Variants in MYO16 observed in about 807,000 individuals in gnomAD.
The protein encoded by MYO16 is myosin XVI.
A neutral mutation model predicts 205.3 loss-of-function variants in MYO16; 94 were observed. The ratio of observed to expected loss-of-function variants is 0.46; its 90% CI spans 0.39 to 0.54. The LOEUF is 0.54. Ranked by LOEUF, MYO16 falls within the 20% of genes least tolerant of loss-of-function variation. The pLI, the probability that MYO16 is intolerant of heterozygous loss-of-function variation, is 0.00. For missense variants in MYO16, 2,315 were observed against 2,387.5 expected (o/e 0.97, Z 0.63); for synonymous variants, 988 against 954.0 (o/e 1.04, Z -0.66).
At chr13:109,007,598 G>C (rs1048266202) in intron 21 of MYO16, among the ~76,000 whole-genome samples, 2 of 148,876 alleles carry the variant, frequency 1.3e-5, no homozygotes, top group Non-Finnish European at 3.0e-5. Flanking sequence ...TGATAGGAAA[G>C]GAAGCACAGA....
At chr13:108,820,265 A>C in intron 7 of MYO16, 72 bp from the exon 8 acceptor site, 1 of 1,098,332 alleles carries the variant, frequency 9.1e-7, no homozygotes, top group Non-Finnish European at 1.4e-6. Flanking sequence ...TGGACAGCAC[A>C]GTGTATGACT....
At chr13:108,710,521 A>T (rs904945541) in intron 2 of MYO16, among the ~76,000 whole-genome samples, 3 of 152,200 alleles carry the variant, frequency 2.0e-5, no homozygotes, top group Non-Finnish European at 4.4e-5. Context: ...GCACGTAGTC[A>T]TTCCAGTCAT....
intron 1 of MYO16, among the ~76,000 whole-genome samples, chr13:108,602,489 T>C (rs1878801913): frequency 6.6e-6 from 1 of 152,220 alleles, no homozygotes; most frequent in Non-Finnish European, 1.5e-5. Flanking sequence ...ATTTAATTTC[T>C]TCTTCCAAGG....
chr13:109,026,485 T>G (rs1417760769), intron 23 of MYO16, among the ~76,000 whole-genome samples: 1 of 152,072 alleles, frequency 6.6e-6, no homozygotes, highest in African/African-American at 2.4e-5. Context: ...GATTCCAGAG[T>G]GCTGGCCTCC....
intron 3 of MYO16, among the ~76,000 whole-genome samples, chr13:108,726,566 A>G (rs1884345505): frequency 7.9e-6 from 1 of 126,340 alleles, no homozygotes; most frequent in Non-Finnish European, 1.9e-5. Flanking sequence ...TCAAAAAAAA[A>G]AAAAAAGAAA....
At chr13:109,056,792 CAG>C (rs1012525979) in intron 27 of MYO16, among the ~76,000 whole-genome samples, 20 of 151,990 alleles carry the variant, frequency 1.3e-4, no homozygotes, top group South Asian at 4.1e-4. Flanking sequence ...AACAATAAAA[CAG>C]GGGTGGGCAA....
At chr13:108,785,962 G>A (rs1442560347) in intron 5 of MYO16, among the ~76,000 whole-genome samples, 1 of 152,150 alleles carries the variant, frequency 6.6e-6, no homozygotes, top group Admixed American at 6.5e-5. Context: ...GAAATCTAGA[G>A]GCCAACAATG....
chr13:108,926,872 AACAT>A (rs1367399311), intron 16 of MYO16, among the ~76,000 whole-genome samples: 1 of 152,214 alleles, frequency 6.6e-6, no homozygotes, highest in South Asian at 2.1e-4. Context: ...TTTTAAAAAA[AACAT>A]ACCACAGAAA....
intron 13 of MYO16, among the ~76,000 whole-genome samples, chr13:108,887,508 T>TTG (rs1879958518): frequency 6.6e-6 from 1 of 152,290 alleles, no homozygotes; most frequent in East Asian, 1.9e-4. Context: ...AATAATTATT[T>TTG]TGTGGGAATT....
At chr13:109,062,833 A>C (rs1485137187) in intron 27 of MYO16, among the ~76,000 whole-genome samples, 1 of 152,162 alleles carries the variant, frequency 6.6e-6, no homozygotes, top group Non-Finnish European at 1.5e-5. Context: ...GGTGTAATTT[A>C]ATAGAAATTT....
chr13:108,819,530 G>A lies in MYO16; in HGVS notation c.868-807G>A, dbSNP rs111663365. ...GGGAAATAGAGAGAAACATAGTTTTGGGGAGAAACACATGAAGATGTCATT... is the reference window on the plus strand; with the variant it reads ...GGGAAATAGAGAGAAACATAGTTTTAGGGAGAAACACATGAAGATGTCATT... On this transcript the variant is annotated intron_variant, in intron 7 of 34. Coordinates refer to ENST00000457511, the MANE Select transcript of MYO16 (RefSeq NM_001198950.3). 3.7e-3 allele frequency among the ~76,000 whole-genome samples: 568 copies of A among 151,950 alleles called. 3 individuals carry two copies. Among genetic ancestry groups the A allele is most frequent in the South Asian group, 0.023 (110 of 4,804 alleles).
intron 28 of MYO16, among the ~76,000 whole-genome samples, chr13:109,115,506 A>G (rs1221465966): frequency 6.6e-6 from 1 of 152,216 alleles, no homozygotes; most frequent in Non-Finnish European, 1.5e-5. Context: ...GCTCAGTTGG[A>G]GAACATTTTA....
intron 1 of MYO16, among the ~76,000 whole-genome samples, chr13:108,640,653 C>A (rs899383997): frequency 6.6e-6 from 1 of 151,598 alleles, no homozygotes; most frequent in Non-Finnish European, 1.5e-5. Context: ...TGCCGGTGGT[C>A]CAAAGCCCTC....
chr13:108,780,983 A>G (rs1886282649), intron 4 of MYO16, among the ~76,000 whole-genome samples: 1 of 152,238 alleles, frequency 6.6e-6, no homozygotes, highest in Non-Finnish European at 1.5e-5. Flanking sequence ...GAATTTCTCT[A>G]AAAGAGCCTG....
chr13:108,879,577 G>A (rs948361649), intron 12 of MYO16, among the ~76,000 whole-genome samples: 1 of 152,034 alleles, frequency 6.6e-6, no homozygotes, highest in Non-Finnish European at 1.5e-5. Flanking sequence ...CGTTCTCACT[G>A]TTCAATTCCC....
chr13:108,666,129 T>C lies in MYO16; in HGVS notation c.272T>C (p.Ile91Thr). The change falls in exon 2 of 35, where the codon ATC becomes ACC. Residue 91 changes from isoleucine to threonine, a missense_variant. Transcript: ENST00000457511. ...ACGGACATGCTACAGGACGCGATTA[T>C]CCACCACAATGACAAAGAAGGTACA... ...NLTDMLQDAI[I>T]HHNDKEVLRL... is the part of the protein sequence containing the mutation. 1.2e-6 allele frequency: 2 copies of C among 1,606,402 alleles called. No homozygotes were observed. The highest frequency in any genetic ancestry group is 1.7e-6 in the Non-Finnish European group (2 of 1,173,558).
At chr13:108,663,485 T>TG (rs1042410730) in intron 1 of MYO16, among the ~76,000 whole-genome samples, 72 of 152,276 alleles carry the variant, frequency 4.7e-4, no homozygotes, top group African/African-American at 1.7e-3. Flanking sequence ...GATCAAAACA[T>TG]GGGGAATTAT....
intron 1 of MYO16, among the ~76,000 whole-genome samples, chr13:108,636,346 CT>C (rs71125326): frequency 0.053 from 4,247 of 80,544 alleles, 125 homozygotes; most frequent in Middle Eastern, 0.096. Flanking sequence ...AAATATTTCC[CT>C]TTTTTTTTTT....
intron 20 of MYO16, among the ~76,000 whole-genome samples, chr13:108,976,917 C>T (rs527477631): frequency 1.3e-5 from 2 of 152,212 alleles, no homozygotes; most frequent in South Asian, 4.1e-4. Flanking sequence ...CTCAGGTTTT[C>T]GTTATCATAA....
Sources: gnomAD v4.1 joint callset for allele counts (sites outside exome capture counted in the v4.1 genomes callset) on GRCh38, gnomAD v4.1.1 for gene constraint, MANE v1.5 for transcripts, NCBI Gene and HGNC (gene_info 2026-07-23, HGNC 2026-07-21) for gene names.